Variants in CCSER1 observed in about 807,000 individuals in gnomAD.
The protein encoded by CCSER1 is serine-rich coiled-coil domain-containing protein 1.
Under a neutral mutation model 82.0 loss-of-function variants are expected in CCSER1, and 41 were observed. That is an observed-to-expected ratio of 0.50 (90% CI 0.39 to 0.65). CCSER1 has a LOEUF of 0.65. CCSER1 is among the 30% of genes least tolerant of loss of function. The pLI is 0.00. For missense variants in CCSER1, 1,119 were observed against 1,064.2 expected, an observed-to-expected ratio of 1.05 and a Z score of -0.72; for synonymous variants, 414 against 383.9, an observed-to-expected ratio of 1.08 and a Z score of -0.92.
At chr4:90,589,692 C>G (rs546098950) in intron 5 of CCSER1, among the ~76,000 whole-genome samples, 1 of 152,064 alleles carries the variant, frequency 6.6e-6, no homozygotes, top group South Asian at 2.1e-4. Context: ...CATTCTTCAT[C>G]TAATATCTAA....
At chr4:90,203,368 C>G (rs888227715) in intron 1 of CCSER1, among the ~76,000 whole-genome samples, 1 of 152,038 alleles carries the variant, frequency 6.6e-6, no homozygotes, top group Admixed American at 6.6e-5. Context: ...ACCAACAGAC[C>G]CCGGTGTGTG....
At chr4:90,875,367 T>A (rs1432666750) in intron 8 of CCSER1, among the ~76,000 whole-genome samples, 1 of 152,120 alleles carries the variant, frequency 6.6e-6, no homozygotes, top group African/African-American at 2.4e-5. Flanking sequence ...TATCCATAAA[T>A]AATGGAGGAA....
In CCSER1 at chr4:91,139,993, G is replaced by A. The variant is rs188020268; in HGVS notation, c.2217+53999G>A. Among the ~76,000 whole-genome samples, 102 of 152,118 alleles carry A rather than the reference G, an allele frequency of 6.7e-4. 1 individual carries two copies. The highest frequency in any genetic ancestry group is 2.4e-3 in the African/African-American group (101 of 41,536). On this transcript the variant is annotated intron_variant, in intron 10 of 10. Coordinates refer to ENST00000509176, the MANE Select transcript of CCSER1 (RefSeq NM_001145065.2). ...CTTGGGAGTAAGTTAAATATTTCTTGTTTAATTTTCTTAGATGATTCTTAT... is the reference window on the plus strand; with the variant it reads ...CTTGGGAGTAAGTTAAATATTTCTTATTTAATTTTCTTAGATGATTCTTAT...
In CCSER1 at chr4:90,793,385, C is replaced by G. The variant is rs147749502; in HGVS notation, c.2011-22377C>G. On this transcript the variant is annotated intron_variant, in intron 7 of 10. Coordinates refer to ENST00000509176, the MANE Select transcript of CCSER1 (RefSeq NM_001145065.2). ...GTGTGTGTTGTTCCCCACTATGTGT[C>G]CATGTGTTCTTATCATTTAGCTCCC... is the stretch of plus-strand genomic sequence containing the variant. 6.2e-3 allele frequency among the ~76,000 whole-genome samples: 938 copies of G among 152,238 alleles called. 11 individuals are homozygous for G. The highest frequency in any genetic ancestry group is 0.022 in the African/African-American group (906 of 41,548).
At chr4:90,140,171 A>G (rs891538146) in intron 1 of CCSER1, among the ~76,000 whole-genome samples, 2 of 152,228 alleles carry the variant, frequency 1.3e-5, no homozygotes, top group Non-Finnish European at 2.9e-5. Flanking sequence ...AATATACATA[A>G]TAAAAACTAT....
At chr4:90,600,953 A>G (rs548476327) in intron 5 of CCSER1, among the ~76,000 whole-genome samples, 82 of 140,908 alleles carry the variant, frequency 5.8e-4, no homozygotes, top group African/African-American at 2.2e-3. Flanking sequence ...ATTGTTAGTG[A>G]TATTATTTTA....
rs1478283345 is a variant in CCSER1 at position 90,175,179 on chromosome 4, G to A, written c.-42+47348G>A. ...ATGGAATAATACTAAATGATATAAG[G>A]AAATGAGCCACTGATACAGGCTACA... On this transcript the variant is annotated intron_variant, in intron 1 of 10. Transcript: ENST00000509176. Among the ~76,000 whole-genome samples, 8 of 152,036 alleles carry A rather than the reference G, an allele frequency of 5.3e-5. No individual in the cohort carries two copies. In the East Asian group the frequency reaches 1.4e-3, roughly 26 times the overall value.
chr4:90,347,311 CTCTATCTATCTATCTA>C (rs35636292), intron 3 of CCSER1, among the ~76,000 whole-genome samples: 6 of 148,600 alleles, frequency 4.0e-5, no homozygotes, highest in African/African-American at 1.0e-4. Flanking sequence ...TTAACATAAG[CTCTATCTATCTATCTA>C]TCTATCTATC....
chr4:90,720,307 A>G (rs1742454433), intron 6 of CCSER1, among the ~76,000 whole-genome samples: 1 of 152,032 alleles, frequency 6.6e-6, no homozygotes, highest in Non-Finnish European at 1.5e-5. Flanking sequence ...AAATTAAAAA[A>G]AAACACAAGA....
chr4:90,819,636 G>T (rs1022588832), intron 8 of CCSER1, among the ~76,000 whole-genome samples: 1 of 152,028 alleles, frequency 6.6e-6, no homozygotes, highest in Non-Finnish European at 1.5e-5. Context: ...AAACTATTCA[G>T]ATTATTAATT....
At chr4:91,162,636 A>G (rs183084939) in intron 10 of CCSER1, among the ~76,000 whole-genome samples, 3 of 152,264 alleles carry the variant, frequency 2.0e-5, no homozygotes, top group African/African-American at 2.4e-5. Context: ...CAGATATTCA[A>G]CTTCTTCCTG....
chr4:90,150,646 A>G (rs1726661404), intron 1 of CCSER1, among the ~76,000 whole-genome samples: 2 of 152,156 alleles, frequency 1.3e-5, no homozygotes, highest in Non-Finnish European at 2.9e-5. Flanking sequence ...ATTTGTTGTT[A>G]AAACCAGTAC....
chr4:90,746,419 G>A (rs1747484966), intron 7 of CCSER1, among the ~76,000 whole-genome samples: 1 of 152,050 alleles, frequency 6.6e-6, no homozygotes, highest in Non-Finnish European at 1.5e-5. Flanking sequence ...TAGCCATTGG[G>A]AACTTAAATA....
chr4:91,515,194 T>A (rs1760038108), intron 10 of CCSER1, among the ~76,000 whole-genome samples: 1 of 152,166 alleles, frequency 6.6e-6, no homozygotes, highest in African/African-American at 2.4e-5. Flanking sequence ...AGTTGGATTT[T>A]GCTTTTTTTT....
chr4:91,167,521 T>C (rs552647368), intron 10 of CCSER1, among the ~76,000 whole-genome samples: 1 of 152,352 alleles, frequency 6.6e-6, no homozygotes, highest in South Asian at 2.1e-4. Flanking sequence ...CAATATCTTA[T>C]TTTTGTGTTA....
intron 10 of CCSER1, among the ~76,000 whole-genome samples, chr4:91,414,967 C>A (rs568579063): frequency 2.6e-5 from 4 of 152,064 alleles, no homozygotes; most frequent in Non-Finnish European, 4.4e-5. Context: ...TAGATATAGA[C>A]AGCAATACAA....
chr4:91,035,749 A>T lies in CCSER1; in HGVS notation c.2173-50201A>T, dbSNP rs146118110. Among the ~76,000 whole-genome samples the T allele has an allele frequency of 2.7e-4, 41 of 152,272 alleles. 1 individual carries two copies. In the East Asian group the frequency reaches 6.8e-3, roughly 25 times the overall value. On this transcript the variant is annotated intron_variant, in intron 9 of 10. Coordinates refer to ENST00000509176, the MANE Select transcript of CCSER1 (RefSeq NM_001145065.2). The stretch of plus-strand genomic sequence containing the variant: ...AATGTTTATACTTGATCTTAGCCAA[A>T]AGGCTGAGAAGCGATCCAACTCAAT...
chr4:90,363,581 G>A (rs909622495), intron 3 of CCSER1, among the ~76,000 whole-genome samples: 7 of 148,198 alleles, frequency 4.7e-5, no homozygotes, highest in African/African-American at 1.3e-4. Context: ...CCATGATTTG[G>A]CAAATAAAGA....
At chr4:90,915,992 C>A (rs1727327882) in intron 8 of CCSER1, among the ~76,000 whole-genome samples, 1 of 152,080 alleles carries the variant, frequency 6.6e-6, no homozygotes, top group African/African-American at 2.4e-5. Flanking sequence ...GAACTTCAAA[C>A]CACTGCTCAA....
Sources: gnomAD v4.1 joint callset for allele counts (sites outside exome capture counted in the v4.1 genomes callset) on GRCh38, gnomAD v4.1.1 for gene constraint, MANE v1.5 for transcripts, NCBI Gene and HGNC (gene_info 2026-07-23, HGNC 2026-07-21) for gene names.